LRMDA: variants seen among roughly 807,000 people sequenced by gnomAD.
The protein encoded by LRMDA is leucine rich melanocyte differentiation associated.
LRMDA carries 18 observed loss-of-function variants against 29.8 expected under a neutral mutation model. The observed-to-expected ratio is 0.60, with a 90% confidence interval of 0.42 to 0.90. LRMDA has a LOEUF of 0.90. Ranked by LOEUF, LRMDA falls within the 40% of genes least tolerant of loss-of-function variation. The pLI, the probability that LRMDA is intolerant of heterozygous loss-of-function variation, is 0.00. For synonymous variants in LRMDA, 125 were observed against 109.4 expected, an observed-to-expected ratio of 1.14 and a Z score of -0.89; for missense variants, 273 against 273.9, an observed-to-expected ratio of 1.00 and a Z score of 0.02.
chr10:76,042,114 CAAAG>C (rs1377801381), intron 3 of LRMDA, among the ~76,000 whole-genome samples: 1 of 152,120 alleles, frequency 6.6e-6, no homozygotes, highest in Non-Finnish European at 1.5e-5. Context: ...ACCCAGGAGA[CAAAG>C]AAACCAATTA....
intron 2 of LRMDA, among the ~76,000 whole-genome samples, chr10:75,578,967 A>G (rs1197341317): frequency 1.3e-5 from 2 of 152,220 alleles, no homozygotes; most frequent in African/African-American, 2.4e-5. Flanking sequence ...AAAGCAGGAA[A>G]GATCTAAAAT....
intron 5 of LRMDA, among the ~76,000 whole-genome samples, chr10:76,260,618 A>G (rs1405024698): frequency 1.3e-5 from 2 of 152,102 alleles, no homozygotes; most frequent in East Asian, 3.9e-4. Flanking sequence ...TTAGGATTCA[A>G]TCTTTGACTT....
chr10:76,128,651 C>T (rs1010997907), intron 5 of LRMDA, among the ~76,000 whole-genome samples: 20 of 152,138 alleles, frequency 1.3e-4, no homozygotes, highest in African/African-American at 4.8e-4. Context: ...CAATGAGATC[C>T]ATCCCTGAAC....
At position 76,375,711 on chromosome 10, in the gene LRMDA, G is replaced by A. The variant is rs138561755; in HGVS notation, c.601+51226G>A. On this transcript the variant is annotated intron_variant, in intron 6 of 6. Coordinates refer to ENST00000611255, the MANE Select transcript of LRMDA (RefSeq NM_001305581.2). ...GTTACTAGTAAGTAAACTTCTAAGT[G>A]TTCCATGCTGAATTTTTTTTTTTTT... 3.5e-3 allele frequency among the ~76,000 whole-genome samples: 465 copies of A among 133,724 alleles called. 4 individuals carry two copies. The highest frequency in any genetic ancestry group is 0.012 in the African/African-American group (436 of 36,716). The allele number at this position is 133,724 out of a possible 152,430, so 87.7% of individuals were successfully genotyped here. A position where few individuals can be genotyped will look rare whatever the true frequency, so the allele number is the denominator to read the frequency against.
intron 2 of LRMDA, among the ~76,000 whole-genome samples, chr10:75,968,990 T>TAA (rs34409139): frequency 2.0e-5 from 3 of 151,744 alleles, no homozygotes; most frequent in Non-Finnish European, 2.9e-5. Context: ...ATTAAACAAT[T>TAA]AAAAAAAACC....
chr10:75,865,597 C>A (rs998130200), intron 2 of LRMDA, among the ~76,000 whole-genome samples: 4 of 152,142 alleles, frequency 2.6e-5, no homozygotes, highest in African/African-American at 9.7e-5. Context: ...TTCTGAATCA[C>A]TGGAGGTTTA....
intron 5 of LRMDA, among the ~76,000 whole-genome samples, chr10:76,258,506 T>C (rs1229877571): frequency 5.3e-5 from 8 of 152,194 alleles, no homozygotes; most frequent in Non-Finnish European, 1.0e-4. Flanking sequence ...ATATAATATA[T>C]TATTGTTAAC....
chr10:75,547,254 C>T (rs531472602), intron 2 of LRMDA, among the ~76,000 whole-genome samples: 1 of 152,174 alleles, frequency 6.6e-6, no homozygotes, highest in South Asian at 2.1e-4. Context: ...CTGAGTATCT[C>T]TGGACCAAAA....
At chr10:76,473,509 A>G (rs1842638496) in intron 6 of LRMDA, among the ~76,000 whole-genome samples, 1 of 151,610 alleles carries the variant, frequency 6.6e-6, no homozygotes, top group Non-Finnish European at 1.5e-5. Context: ...TTAAAGTGTT[A>G]GCCCAGAAAT....
intron 2 of LRMDA, among the ~76,000 whole-genome samples, chr10:75,485,676 C>T (rs948782561): frequency 6.6e-6 from 1 of 152,026 alleles, no homozygotes; most frequent in Admixed American, 6.6e-5. Context: ...CTCCCGGGTT[C>T]AAGCGATTCT....
intron 6 of LRMDA, among the ~76,000 whole-genome samples, chr10:76,428,364 T>A (rs1001851209): frequency 1.3e-5 from 2 of 152,176 alleles, no homozygotes; most frequent in Non-Finnish European, 2.9e-5. Flanking sequence ...CCTTCATCCT[T>A]GATGCTGGCT....
intron 2 of LRMDA, among the ~76,000 whole-genome samples, chr10:75,966,083 G>A (rs1363627559): frequency 6.6e-6 from 1 of 152,074 alleles, no homozygotes; most frequent in East Asian, 1.9e-4. Context: ...AAAATCCCAG[G>A]GTGCAATGCT....
chr10:76,263,228 T>A (rs1418288752), intron 5 of LRMDA, among the ~76,000 whole-genome samples: 1 of 152,172 alleles, frequency 6.6e-6, no homozygotes, highest in African/African-American at 2.4e-5. Context: ...TGTTTCAATA[T>A]GCTTTATTAT....
chr10:75,517,166 T>C (rs969310282), intron 2 of LRMDA, among the ~76,000 whole-genome samples: 3 of 152,120 alleles, frequency 2.0e-5, no homozygotes, highest in Admixed American at 2.0e-4. Flanking sequence ...TTGCTTAGGA[T>C]TGTCTTGGCA....
chr10:75,786,308 C>T (rs1843471896), intron 2 of LRMDA, among the ~76,000 whole-genome samples: 1 of 152,042 alleles, frequency 6.6e-6, no homozygotes, highest in Admixed American at 6.6e-5. Context: ...GTCCAGGAGC[C>T]AACAGTTGGG....
At chr10:76,145,018 C>A (rs895458350) in intron 5 of LRMDA, among the ~76,000 whole-genome samples, 27 of 152,232 alleles carry the variant, frequency 1.8e-4, no homozygotes, top group Admixed American at 1.8e-3. Context: ...TATGTTGAAC[C>A]AGCCTTGCAT....
intron 4 of LRMDA, among the ~76,000 whole-genome samples, chr10:76,057,753 G>T (rs2132053624): frequency 1.3e-5 from 2 of 152,318 alleles, no homozygotes; most frequent in South Asian, 2.1e-4. Flanking sequence ...AAGCAGAATA[G>T]GGTGGAAACA....
intron 2 of LRMDA, among the ~76,000 whole-genome samples, chr10:75,931,220 T>C (rs1375953429): frequency 2.0e-5 from 3 of 152,162 alleles, no homozygotes; most frequent in Non-Finnish European, 4.4e-5. Context: ...GAAGATGTCA[T>C]GGGCATTGTG....
chr10:75,432,020 T>C (rs532146650), intron 1 of LRMDA, among the ~76,000 whole-genome samples: 1 of 152,292 alleles, frequency 6.6e-6, no homozygotes, highest in African/African-American at 2.4e-5. Flanking sequence ...AGCGCCTCAC[T>C]GAGCAGGCCC....
Sources: allele counts gnomAD v4.1 joint callset (sites outside exome capture counted in the v4.1 genomes callset), GRCh38; gene constraint gnomAD v4.1.1; transcripts MANE v1.5; gene names NCBI Gene and HGNC (gene_info 2026-07-23, HGNC 2026-07-21).